The following CHL1 variants were observed in gnomAD, a reference collection of about 807,000 sequenced individuals.
The protein encoded by CHL1 is neural cell adhesion molecule L1-like protein.
Under a neutral mutation model 141.9 loss-of-function variants are expected in CHL1, and 96 were observed. That is an observed-to-expected ratio of 0.68 (90% CI 0.57 to 0.80). The LOEUF is 0.80. Ranked by LOEUF, CHL1 falls within the 30% of genes least tolerant of loss-of-function variation. The probability of loss-of-function intolerance (pLI) is 0.00; values close to 1 mark genes in which losing one functional copy is unlikely to be tolerated. For missense variants in CHL1, 1,820 were observed against 1,457.2 expected, an observed-to-expected ratio of 1.25 and a Z score of -4.05; for synonymous variants, 613 against 502.2, an observed-to-expected ratio of 1.22 and a Z score of -2.95.
intron 1 of CHL1, among the ~76,000 whole-genome samples, chr3:201,960 C>A (rs1698986012): frequency 6.6e-6 from 1 of 152,156 alleles, no homozygotes; most frequent in African/African-American, 2.4e-5. Context: ...TGAGGGTATA[C>A]ATTTCCTTTT....
In CHL1 at chr3:319,828, C is replaced by T; in HGVS notation, c.52C>T (p.Leu18=). The T allele has an allele frequency of 6.2e-7, 1 of 1,607,962 alleles. No homozygotes were observed. Among genetic ancestry groups the T allele is most frequent in the Non-Finnish European group, 8.5e-7 (1 of 1,176,204 alleles). Residue 18 remains leucine, a synonymous_variant, in exon 3 of 28, where the codon CTG becomes TTG. Coordinates refer to ENST00000256509, the MANE Select transcript of CHL1 (RefSeq NM_006614.4). ...RGLIVYLMFL[L]LKFSKAIEIP... is the part of the protein sequence containing the mutation. ...ACTAATCGTATATCTAATGTTCCTCCTGTTAAAATTCTCAAAAGCAATTGA... is the reference window on the plus strand; with the variant it reads ...ACTAATCGTATATCTAATGTTCCTCTTGTTAAAATTCTCAAAAGCAATTGA...
chr3:302,763 C>A (rs1250727217), intron 2 of CHL1, among the ~76,000 whole-genome samples: 1 of 152,172 alleles, frequency 6.6e-6, no homozygotes, highest in Non-Finnish European at 1.5e-5. Flanking sequence ...TCCCATTTGT[C>A]AGTGTTGGCT....
In CHL1 at chr3:349,456, G is replaced by A. The variant is rs61741128; in HGVS notation, c.946G>A (p.Val316Ile). 7.2e-4 allele frequency: 1,162 copies of A among 1,613,978 alleles called. 10 individuals carry two copies. In the African/African-American group the frequency reaches 0.013, roughly 19 times the overall value. Reference sequence around the variant, plus strand: ...TGGCAAGACTTTGAAGATAGAGAATGTCTCCTACCAGGACAAAGGAAATTA... The same window carrying A: ...TGGCAAGACTTTGAAGATAGAGAATATCTCCTACCAGGACAAAGGAAATTA... ...NYGKTLKIEN[V>I]SYQDKGNYRC... The change falls in exon 10 of 28, where the codon GTC becomes ATC. Residue 316 changes from valine to isoleucine, a missense_variant. By Grantham distance (29) the Val-to-Ile change is conservative. Coordinates refer to ENST00000256509, the MANE Select transcript of CHL1 (RefSeq NM_006614.4).
At chr3:353,091 T>C (rs1465794313) in intron 10 of CHL1, among the ~76,000 whole-genome samples, 1 of 152,182 alleles carries the variant, frequency 6.6e-6, no homozygotes, top group Non-Finnish European at 1.5e-5. Context: ...AAGGATTGGA[T>C]GACGTGATAA....
chr3:385,382 C>T (rs1030584731), intron 19 of CHL1, among the ~76,000 whole-genome samples: 3 of 152,164 alleles, frequency 2.0e-5, no homozygotes, highest in African/African-American at 7.2e-5. Context: ...AATGACCTCA[C>T]CCAGATGCCA....
intron 3 of CHL1, among the ~76,000 whole-genome samples, chr3:322,656 A>ATATATATATATATAAT (rs1700681355): frequency 7.1e-6 from 1 of 140,122 alleles, no homozygotes; most frequent in Non-Finnish European, 1.5e-5. Flanking sequence ...ATATATATAT[A>ATATATATATATATAAT]TATATATATA....
At chr3:382,022 C>A (rs73814734) in intron 16 of CHL1, among the ~76,000 whole-genome samples, 157 bp from the exon 17 acceptor site, 2,541 of 138,940 alleles carry the variant, frequency 0.018, 79 homozygotes, top group African/African-American at 0.066. Flanking sequence ...GAAACTCCAC[C>A]TTTCCCTTCC....
intron 10 of CHL1, among the ~76,000 whole-genome samples, chr3:352,587 A>T (rs1353810): frequency 0.35 from 53,124 of 151,946 alleles, 9,974 homozygotes; most frequent in South Asian, 0.46. Flanking sequence ...TGAGGATGGT[A>T]TTTTTCCTCA....
At chr3:397,944 A>T (rs544524250) in intron 24 of CHL1, among the ~76,000 whole-genome samples, 1 of 152,242 alleles carries the variant, frequency 6.6e-6, no homozygotes, top group African/African-American at 2.4e-5. Context: ...ATATTGTATA[A>T]TTTTTTTAAG....
At chr3:298,497 A>G (rs57930716) in intron 2 of CHL1, among the ~76,000 whole-genome samples, 25 of 152,294 alleles carry the variant, frequency 1.6e-4, no homozygotes, top group African/African-American at 6.0e-4. Context: ...CTCCATTTAT[A>G]TTCAGATACT....
At chr3:262,721 C>T (rs983597942) in intron 2 of CHL1, among the ~76,000 whole-genome samples, 1 of 152,216 alleles carries the variant, frequency 6.6e-6, no homozygotes, top group Admixed American at 6.5e-5. Context: ...AAGAATTTTG[C>T]TGTGTGCCAA....
At chr3:225,939 G>A (rs887651639) in intron 1 of CHL1, among the ~76,000 whole-genome samples, 3 of 151,876 alleles carry the variant, frequency 2.0e-5, no homozygotes, top group Admixed American at 1.3e-4. Flanking sequence ...AACCTGGGAG[G>A]CGGAGCTTGC....
At chr3:197,768 C>A (rs779810062) in intron 1 of CHL1, 3 of 455,516 alleles carry the variant, frequency 6.6e-6, no homozygotes. Context: ...GAGGGCGCGC[C>A]GGGGGCCGTG....
At chr3:246,899 A>G (rs1013243810) in intron 2 of CHL1, 7 of 152,080 alleles carry the variant, frequency 4.6e-5, no homozygotes, top group African/African-American at 1.7e-4. Flanking sequence ...GACAGGGACT[A>G]CATTTTTGCT....
chr3:382,407 A>T (rs1043951173), intron 17 of CHL1, 67 bp from the exon 18 acceptor site: 39 of 1,494,234 alleles, frequency 2.6e-5, no homozygotes, highest in Non-Finnish European at 3.3e-5. Context: ...AATATTGAGT[A>T]TAAATTTTGG....
chr3:324,571 T>A (rs897714144), intron 3 of CHL1, among the ~76,000 whole-genome samples: 1 of 151,942 alleles, frequency 6.6e-6, no homozygotes, highest in Admixed American at 6.6e-5. Flanking sequence ...GTAATCTCGC[T>A]GCTCTACTAG....
chr3:318,262 T>C (rs912788055), intron 2 of CHL1, among the ~76,000 whole-genome samples: 5 of 151,914 alleles, frequency 3.3e-5, no homozygotes, highest in Non-Finnish European at 5.9e-5. Flanking sequence ...AGGTCTATAA[T>C]ATCTTAAGAT....
At chr3:310,035 C>G (rs141609843) in intron 2 of CHL1, among the ~76,000 whole-genome samples, 1 of 151,808 alleles carries the variant, frequency 6.6e-6, no homozygotes, top group African/African-American at 2.4e-5. Flanking sequence ...AAAATTCCTG[C>G]CATGGTACTG....
At chr3:326,156 G>A in intron 4 of CHL1, 92 bp downstream of exon 4, 1 of 722,578 alleles carries the variant, frequency 1.4e-6, no homozygotes, top group Non-Finnish European at 2.3e-6. Context: ...GTTGGACTAT[G>A]AATCCACGCA....
Sources: gnomAD v4.1 joint callset for allele counts (sites outside exome capture counted in the v4.1 genomes callset) on GRCh38, gnomAD v4.1.1 for gene constraint, MANE v1.5 for transcripts, NCBI Gene and HGNC (gene_info 2026-07-23, HGNC 2026-07-21) for gene names.